Variants in DCC observed in about 807,000 individuals in gnomAD.
DCC encodes the protein netrin receptor DCC.
DCC carries 58 observed loss-of-function variants against 172.5 expected under a neutral mutation model. That is an observed-to-expected ratio of 0.34 (90% CI 0.27 to 0.42). The LOEUF (loss-of-function observed/expected upper bound fraction) is 0.42. Ranked by LOEUF, DCC falls within the 10% of genes least tolerant of loss-of-function variation. The pLI, the probability that DCC is intolerant of heterozygous loss-of-function variation, is 1.00. For missense variants in DCC, 1,740 were observed against 1,791.0 expected (o/e 0.97, Z 0.51); for synonymous variants, 709 against 644.5 (o/e 1.10, Z -1.52).
chr18:52,766,694 G>C (rs1473026707), intron 2 of DCC, among the ~76,000 whole-genome samples: 1 of 151,998 alleles, frequency 6.6e-6, no homozygotes, highest in Non-Finnish European at 1.5e-5. Flanking sequence ...TCTCCCCTCT[G>C]CTGGCTGAGT....
chr18:52,376,924 A>G (rs1473617399), intron 1 of DCC, among the ~76,000 whole-genome samples: 1 of 152,214 alleles, frequency 6.6e-6, no homozygotes, highest in Non-Finnish European at 1.5e-5. Context: ...AAAGCCATCA[A>G]AACCGTGCCT....
chr18:53,432,567 C>T (rs1245811037), intron 21 of DCC, among the ~76,000 whole-genome samples: 1 of 152,012 alleles, frequency 6.6e-6, no homozygotes, highest in Non-Finnish European at 1.5e-5. Context: ...TGAAATTAAC[C>T]AAGGTAACTA....
intron 5 of DCC, among the ~76,000 whole-genome samples, chr18:53,005,333 A>G (rs72930052): frequency 0.021 from 3,249 of 152,264 alleles, 60 homozygotes; most frequent in Admixed American, 0.039. Flanking sequence ...TTTTCACTTT[A>G]TATTATAGGT....
At chr18:52,430,769 G>A (rs1987594524) in intron 1 of DCC, among the ~76,000 whole-genome samples, 1 of 152,140 alleles carries the variant, frequency 6.6e-6, no homozygotes, top group South Asian at 2.1e-4. Context: ...AGAAATAAAT[G>A]CTGAAATAAT....
intron 24 of DCC, among the ~76,000 whole-genome samples, chr18:53,466,821 T>A (rs1270592934): frequency 4.6e-5 from 7 of 152,208 alleles, no homozygotes; most frequent in Admixed American, 3.9e-4. Context: ...CCACCATGCC[T>A]GGCCAGGTTT....
intron 1 of DCC, among the ~76,000 whole-genome samples, chr18:52,673,168 A>G (rs2035584360): frequency 6.6e-6 from 1 of 152,252 alleles, no homozygotes; most frequent in Admixed American, 6.5e-5. Context: ...AGAAGAAGGT[A>G]GAGACACTCG....
At chr18:52,382,200 C>T (rs1445881225) in intron 1 of DCC, among the ~76,000 whole-genome samples, 1 of 152,036 alleles carries the variant, frequency 6.6e-6, no homozygotes, top group African/African-American at 2.4e-5. Flanking sequence ...CTGTCATAGA[C>T]CACGCAGTCA....
chr18:53,077,205 G>GTATA lies in DCC; in HGVS notation c.1261+11052_1261+11055dup, dbSNP rs35919474. On this transcript the variant is annotated intron_variant, in intron 7 of 28. Coordinates refer to ENST00000442544, the MANE Select transcript of DCC (RefSeq NM_005215.4). ...CCAAGCTATTTGACCTTGTTCACATGTATATATATATATATAGTCCTACCT... is the reference window on the plus strand; with the variant it reads ...CCAAGCTATTTGACCTTGTTCACATGTATATATATATATATATATAGTCCTACCT... Among the ~76,000 whole-genome samples the GTATA allele has an allele frequency of 1.9e-4, 29 of 149,006 alleles. 1 individual carries two copies. Among genetic ancestry groups the GTATA allele is most frequent in the Admixed American group, 6.7e-4 (10 of 14,894 alleles).
At chr18:52,952,092 C>T (rs974509866) in intron 5 of DCC, among the ~76,000 whole-genome samples, 5 of 152,172 alleles carry the variant, frequency 3.3e-5, no homozygotes, top group African/African-American at 7.2e-5. Context: ...ATTATGATCA[C>T]TTCTTCTCTA....
intron 3 of DCC, among the ~76,000 whole-genome samples, chr18:52,922,437 C>T (rs1411617078): frequency 6.6e-6 from 1 of 152,140 alleles, no homozygotes; most frequent in Non-Finnish European, 1.5e-5. Flanking sequence ...CCACCAGCAG[C>T]TCATGCTATG....
At chr18:53,239,039 T>C (rs950636417) in intron 12 of DCC, among the ~76,000 whole-genome samples, 5 of 84,020 alleles carry the variant, frequency 6.0e-5, no homozygotes, top group Non-Finnish European at 8.9e-5. Flanking sequence ...CACCGGGGCC[T>C]GTTGTGGAGT....
At chr18:52,791,721 T>G (rs1308641898) in intron 2 of DCC, among the ~76,000 whole-genome samples, 1 of 152,144 alleles carries the variant, frequency 6.6e-6, no homozygotes, top group Non-Finnish European at 1.5e-5. Context: ...TCTGTTGCAC[T>G]TTCCTCCTTG....
At chr18:53,046,153 G>C (rs1035353343) in intron 5 of DCC, among the ~76,000 whole-genome samples, 5 of 151,846 alleles carry the variant, frequency 3.3e-5, no homozygotes, top group Non-Finnish European at 5.9e-5. Context: ...ATCGATGCTG[G>C]AATTAGACTT....
intron 1 of DCC, among the ~76,000 whole-genome samples, chr18:52,708,921 A>G (rs1259064496): frequency 6.6e-6 from 1 of 152,214 alleles, no homozygotes; most frequent in East Asian, 1.9e-4. Context: ...AAATCTGCAT[A>G]GCTTAGTACC....
chr18:52,528,814 TTA>T (rs1568214009), intron 1 of DCC, among the ~76,000 whole-genome samples: 2 of 152,118 alleles, frequency 1.3e-5, no homozygotes, highest in East Asian at 3.9e-4. Flanking sequence ...ATGCTCAACT[TTA>T]TGTTTCTGCA....
intron 2 of DCC, among the ~76,000 whole-genome samples, chr18:52,780,271 C>T (rs1461745610): frequency 6.6e-6 from 1 of 152,070 alleles, no homozygotes; most frequent in African/African-American, 2.4e-5. Flanking sequence ...CAATTCTGTG[C>T]AATTCTAATA....
chr18:52,806,667 CT>C (rs1300115665), intron 2 of DCC, among the ~76,000 whole-genome samples: 7 of 152,288 alleles, frequency 4.6e-5, no homozygotes, highest in Non-Finnish European at 2.9e-5. Flanking sequence ...GGGTAGAGAA[CT>C]TCTTGTAACC....
chr18:52,599,649 G>T (rs568027747), intron 1 of DCC, among the ~76,000 whole-genome samples: 1 of 152,092 alleles, frequency 6.6e-6, no homozygotes, highest in African/African-American at 2.4e-5. Flanking sequence ...TGAGTAGCTG[G>T]GATTACAGGC....
intron 1 of DCC, among the ~76,000 whole-genome samples, chr18:52,708,348 A>G (rs1366433234): frequency 6.6e-6 from 1 of 151,874 alleles, no homozygotes; most frequent in African/African-American, 2.4e-5. Context: ...AGGCTGAGGC[A>G]GGAGAATGGC....
Sources: allele counts gnomAD v4.1 joint callset (sites outside exome capture counted in the v4.1 genomes callset), GRCh38; gene constraint gnomAD v4.1.1; transcripts MANE v1.5; gene names NCBI Gene and HGNC (gene_info 2026-07-23, HGNC 2026-07-21).